BPI: variants seen among roughly 807,000 people sequenced by gnomAD.
The protein encoded by BPI is bactericidal permeability-increasing protein.
BPI carries 48 observed loss-of-function variants against 57.6 expected under a neutral mutation model. The ratio of observed to expected loss-of-function variants is 0.83; its 90% CI spans 0.66 to 1.06. The LOEUF (loss-of-function observed/expected upper bound fraction) is 1.06. BPI is among the 50% of genes least tolerant of loss of function. BPI has a pLI of 0.00. For missense variants in BPI, 651 were observed against 609.7 expected (o/e 1.07, Z -0.71); for synonymous variants, 237 against 238.2 (o/e 0.99, Z 0.05).
intron 7 of BPI, 128 bp downstream of exon 7, chr20:38,320,402 C>T: frequency 1.3e-5 from 10 of 767,376 alleles, no homozygotes; most frequent in Non-Finnish European, 1.9e-5. Flanking sequence ...ACCCTCTCTA[C>T]TCTCCCCGCC....
At chr20:38,322,612 C>A (rs2076692181) in intron 7 of BPI, among the ~76,000 whole-genome samples, 1 of 152,176 alleles carries the variant, frequency 6.6e-6, no homozygotes, top group Non-Finnish European at 1.5e-5. Flanking sequence ...ATAGGTCCAT[C>A]TTTATTATTA....
rs1306673728 is a variant in BPI at position 38,310,494 on chromosome 20, A to T, written c.378A>T (p.Lys126Asn). The T allele has an allele frequency of 6.2e-7, 1 of 1,612,228 alleles. No individual in the cohort carries two copies. The highest frequency in any genetic ancestry group is 8.5e-7 in the Non-Finnish European group (1 of 1,178,464). Reference protein sequence around the residue: ...GKWKAQKRFLKMSGNFDLSIE... With the variant: ...GKWKAQKRFLNMSGNFDLSIE... ...ATTCCTCTTTGTTCTTCTTCAGAAA[A>T]ATGAGCGGCAATTTTGACCTGAGCA... is the stretch of plus-strand genomic sequence containing the variant. Residue 126 changes from lysine to asparagine, a missense_variant, in exon 4 of 15, where the codon AAA (lysine) becomes AAT (asparagine). Physicochemically the swap from Lys to Asn is moderately conservative, Grantham distance 94. Transcript: ENST00000642449.
At chr20:38,332,160 C>T (rs2076745995) in intron 12 of BPI, among the ~76,000 whole-genome samples, 1 of 152,166 alleles carries the variant, frequency 6.6e-6, no homozygotes, top group Non-Finnish European at 1.5e-5. Flanking sequence ...GCTAGCTCAT[C>T]CAGGGTCTTC....
At chr20:38,327,478 A>G (rs2122551546) in intron 10 of BPI, 110 bp from the exon 11 acceptor site, 1 of 1,191,890 alleles carries the variant, frequency 8.4e-7, no homozygotes, top group East Asian at 2.6e-5. Context: ...CTGACCCCAC[A>G]GTGTATGCTG....
intron 11 of BPI, among the ~76,000 whole-genome samples, chr20:38,329,095 CAG>C (rs1321115543): frequency 6.6e-6 from 1 of 151,528 alleles, no homozygotes; most frequent in African/African-American, 2.4e-5. Context: ...GAGAAAGAGA[CAG>C]AGACACAGAG....
chr20:38,309,135 G>A, intron 3 of BPI, 77 bp downstream of exon 3: 2 of 1,597,818 alleles, frequency 1.3e-6, no homozygotes, highest in Non-Finnish European at 1.7e-6. Context: ...AGCGTCTCTG[G>A]AATGCCCAAT....
Position 38,324,016 on chromosome 20 carries a change from G to T in BPI, c.903G>T (p.Gly301=), listed in dbSNP as rs1294070678. The change falls in exon 8 of 15, where the codon GGG becomes GGT. Residue 301 remains glycine, a synonymous_variant. Coordinates refer to ENST00000642449, the MANE Select transcript of BPI (RefSeq NM_001725.3). ...NTAGLVYQEA[G]VLKMTLRDDM... is the part of the protein sequence containing the mutation. ...CCGGGCTTGTATACCAAGAGGCTGG[G>T]GTCTTGAAGATGACCCTTAGAGATG... 13 of 1,613,940 alleles carry T rather than the reference G, an allele frequency of 8.1e-6. No individual in the cohort carries two copies. Among genetic ancestry groups the T allele is most frequent in the Admixed American group, 1.7e-5 (1 of 60,004 alleles).
rs771114514 is a variant in BPI at position 38,331,087 on chromosome 20, C to A, written c.1269C>A (p.Phe423Leu). Residue 423 changes from phenylalanine (F) to leucine (L), a missense_variant, in exon 12 of 15, where the codon TTC (phenylalanine) becomes TTA (leucine). Transcript: ENST00000642449. ...TGAAGCACTCAAATATTGGCCCCTTCCCGGTGAGTCTGAGGCCCTTGGTGG... is the reference window on the plus strand; with the variant it reads ...TGAAGCACTCAAATATTGGCCCCTTACCGGTGAGTCTGAGGCCCTTGGTGG... ...LELKHSNIGP[F>L]PVELLQDIMN... 7 of 1,614,132 alleles carry A rather than the reference C, an allele frequency of 4.3e-6. No homozygotes were observed. The South Asian group carries it at 7.7e-5, about 18-fold the overall frequency.
chr20:38,307,722 G>A, intron 2 of BPI, 41 bp downstream of exon 2: 2 of 1,518,230 alleles, frequency 1.3e-6, no homozygotes, highest in Non-Finnish European at 1.8e-6. Flanking sequence ...TGCAGGACTT[G>A]TAGTGTTCTG....
At chr20:38,312,475 G>A (rs943951644) in intron 5 of BPI, among the ~76,000 whole-genome samples, 3 of 152,210 alleles carry the variant, frequency 2.0e-5, no homozygotes, top group Admixed American at 6.5e-5. Flanking sequence ...CTTCAGTTAC[G>A]GGATGAGGCC....
intron 14 of BPI, among the ~76,000 whole-genome samples, chr20:38,336,381 T>A (rs1600716565): frequency 6.6e-6 from 1 of 151,990 alleles, no homozygotes; most frequent in East Asian, 1.9e-4. Flanking sequence ...ATGCTTCCAG[T>A]CTTTTTATTT....
intron 12 of BPI, 92 bp from the exon 13 acceptor site, chr20:38,334,338 G>A (rs2076756523): frequency 8.0e-7 from 1 of 1,252,346 alleles, no homozygotes; most frequent in African/African-American, 1.5e-5. Context: ...CTAGGGGAAA[G>A]GAGGGTGACA....
chr20:38,312,895 A>C (rs2076628327), intron 5 of BPI, among the ~76,000 whole-genome samples: 1 of 152,218 alleles, frequency 6.6e-6, no homozygotes, highest in South Asian at 2.1e-4. Context: ...TGGGTTTTAG[A>C]GTCCCATGGC....
intron 12 of BPI, among the ~76,000 whole-genome samples, chr20:38,334,143 G>A (rs528570258): frequency 6.6e-6 from 1 of 152,296 alleles, no homozygotes; most frequent in East Asian, 1.9e-4. Flanking sequence ...ACTCTCTGAT[G>A]AGCTTCCTCA....
intron 12 of BPI, among the ~76,000 whole-genome samples, chr20:38,334,040 C>T (rs1248596747): frequency 6.6e-6 from 1 of 151,956 alleles, no homozygotes; most frequent in African/African-American, 2.4e-5. Context: ...GAACATTGTG[C>T]CAAATAGCCG....
At chr20:38,326,792 T>C (rs1409889509) in intron 10 of BPI, among the ~76,000 whole-genome samples, 2 of 152,234 alleles carry the variant, frequency 1.3e-5, no homozygotes, top group Non-Finnish European at 2.9e-5. Context: ...CAATTATTAA[T>C]TCATTCAGTT....
intron 12 of BPI, 47 bp from the exon 13 acceptor site, chr20:38,334,383 G>A: frequency 6.4e-7 from 1 of 1,565,500 alleles, no homozygotes; most frequent in Non-Finnish European, 8.8e-7. Flanking sequence ...GACCCGCAAG[G>A]TTCTGGCGAT....
chr20:38,335,542 C>T (rs2076763130), intron 13 of BPI, 56 bp from the exon 14 acceptor site: 1 of 1,529,054 alleles, frequency 6.5e-7, no homozygotes, highest in Non-Finnish European at 9.1e-7. Context: ...GCCCTCCCTC[C>T]TCCCCTGCCC....
At position 38,320,223 on chromosome 20, in the gene BPI, T is replaced by C. The variant is rs1023943502; in HGVS notation, c.705T>C (p.Gly235=). 1.2e-6 allele frequency: 2 copies of C among 1,614,094 alleles called. No homozygotes were observed. Among genetic ancestry groups the C allele is most frequent in the Non-Finnish European group, 1.7e-6 (2 of 1,179,980 alleles). Residue 235 remains glycine (G), a synonymous_variant, in exon 7 of 15, where the codon GGT becomes GGC. Transcript: ENST00000642449. ...KIDSVAGINY[G]LVAPPATTAE... ...ATTCTGTGGCTGGAATCAACTATGG[T>C]CTGGTGGCACCTCCAGCAACCACGG...
Sources: allele counts gnomAD v4.1 joint callset (sites outside exome capture counted in the v4.1 genomes callset), GRCh38; gene constraint gnomAD v4.1.1; transcripts MANE v1.5; gene names NCBI Gene and HGNC (gene_info 2026-07-23, HGNC 2026-07-21).